Variants in STAG1 observed in about 807,000 individuals in gnomAD.
The protein encoded by STAG1 is STAG1 cohesin complex component.
A neutral mutation model predicts 170.9 loss-of-function variants in STAG1; 26 were observed. The ratio of observed to expected loss-of-function variants is 0.15; its 90% confidence interval spans 0.11 to 0.21. The LOEUF (loss-of-function observed/expected upper bound fraction) is 0.21. STAG1 is among the 10% of genes least tolerant of loss of function. STAG1 has a pLI of 1.00. For missense variants in STAG1, 964 were observed against 1,509.5 expected (o/e 0.64, Z 5.99); for synonymous variants, 514 against 497.7 (o/e 1.03, Z -0.44).
intron 9 of STAG1, among the ~76,000 whole-genome samples, chr3:136,481,734 A>AT (rs2089910223): frequency 9.6e-6 from 1 of 103,914 alleles, no homozygotes; most frequent in African/African-American, 3.6e-5. Flanking sequence ...TTGGTAAACT[A>AT]TTGATTATTG....
intron 12 of STAG1, among the ~76,000 whole-genome samples, chr3:136,466,265 G>C (rs2089456401): frequency 6.6e-6 from 1 of 152,154 alleles, no homozygotes; most frequent in Non-Finnish European, 1.5e-5. Flanking sequence ...AAAAAGACTA[G>C]ATGAATGGCT....
At chr3:136,723,672 C>T (rs1488144404) in intron 1 of STAG1, among the ~76,000 whole-genome samples, 29 of 146,324 alleles carry the variant, frequency 2.0e-4, no homozygotes, top group Non-Finnish European at 2.6e-4. Flanking sequence ...GTCAGCCCCC[C>T]GCCCGGCCAG....
At chr3:136,355,725 A>G (rs537575921) in intron 28 of STAG1, among the ~76,000 whole-genome samples, 3 of 152,346 alleles carry the variant, frequency 2.0e-5, no homozygotes, top group South Asian at 4.1e-4. Flanking sequence ...AAATAATACA[A>G]TGCATGATCT....
chr3:136,737,143 T>C (rs2107946464), intron 1 of STAG1: 1 of 792,250 alleles, frequency 1.3e-6, no homozygotes, highest in East Asian at 2.5e-5. Context: ...ACCAAGTCTC[T>C]CTTCTCTATT....
intron 23 of STAG1, among the ~76,000 whole-genome samples, chr3:136,370,708 G>A (rs1011584370): frequency 1.3e-5 from 2 of 152,202 alleles, no homozygotes; most frequent in South Asian, 2.1e-4. Flanking sequence ...TTTTATGGCT[G>A]CATAGTATTC....
chr3:136,423,368 C>T (rs1016715274), intron 16 of STAG1, among the ~76,000 whole-genome samples: 2 of 152,170 alleles, frequency 1.3e-5, no homozygotes, highest in African/African-American at 4.8e-5. Flanking sequence ...AGTGTGTTAA[C>T]AGTGATCTTC....
At chr3:136,690,056 C>CAAAAAAAAAAAAAAAAAAAAAAGA (rs1942669339) in intron 1 of STAG1, among the ~76,000 whole-genome samples, 1 of 56,406 alleles carries the variant, frequency 1.8e-5, no homozygotes, top group African/African-American at 7.7e-5. Flanking sequence ...AAAAGCAAAC[C>CAAAAAAAAAAAAAAAAAAAAAAGA]AAAAAAAAAA....
rs17199978 is a variant in STAG1 at position 136,337,342 on chromosome 3, A to G, written c.*912T>C. On this transcript the variant is annotated 3_prime_UTR_variant, in exon 34 of 34. Coordinates refer to ENST00000383202, the MANE Select transcript of STAG1 (RefSeq NM_005862.3). ...GAAAATGGAAGTCTGTGTAACTTGA[A>G]TTTGGCAGGGCATGAAATAAGTGGT... 11,992 of 152,600 alleles carry G rather than the reference A, an allele frequency of 0.079. 494 individuals are homozygous for G. Among genetic ancestry groups the G allele is most frequent in the Non-Finnish European group, 0.095 (6,433 of 68,016 alleles). The allele number at this position is 152,600 out of a possible 1,614,324, so 9.5% of individuals were successfully genotyped here. A position where few individuals can be genotyped will look rare whatever the true frequency, so the allele number is the denominator to read the frequency against.
chr3:136,470,021 C>T lies in STAG1; in HGVS notation c.1205+2392G>A, dbSNP rs535087093. ...AAAGACTTCAATGTTAGACCTAAAA[C>T]CATAAAAACCCTAGAAGAAAACTTA... On this transcript the variant is annotated intron_variant, in intron 12 of 33. Coordinates refer to ENST00000383202, the MANE Select transcript of STAG1 (RefSeq NM_005862.3). Among the ~76,000 whole-genome samples, 1,303 of 152,254 alleles carry T rather than the reference C, an allele frequency of 8.6e-3. 19 individuals carry two copies. Among genetic ancestry groups the T allele is most frequent in the Middle Eastern group, 0.054 (16 of 294 alleles).
chr3:136,697,588 A>G (rs573143168), intron 1 of STAG1, among the ~76,000 whole-genome samples: 3 of 152,324 alleles, frequency 2.0e-5, no homozygotes, highest in Non-Finnish European at 2.9e-5. Flanking sequence ...ACCAGACATC[A>G]TATTTTTAAC....
intron 21 of STAG1, among the ~76,000 whole-genome samples, chr3:136,412,421 A>C (rs2087649443): frequency 6.6e-6 from 1 of 152,214 alleles, no homozygotes; most frequent in African/African-American, 2.4e-5. Flanking sequence ...GAGTCTGATA[A>C]GAAACAGGAT....
At chr3:136,451,304 G>C (rs1004822185) in intron 14 of STAG1, among the ~76,000 whole-genome samples, 1 of 152,064 alleles carries the variant, frequency 6.6e-6, no homozygotes, top group Admixed American at 6.5e-5. Context: ...ATTGCTATGA[G>C]GCTCGTACAA....
chr3:136,348,125 A>G lies in STAG1; in HGVS notation c.3271+1033T>C, dbSNP rs571033439. ...ATGCTGAAAGATAAGAAGTTATAAA[A>G]AGAACAAGAGAGAAGGCTCAGATCA... On this transcript the variant is annotated intron_variant, in intron 29 of 33. Transcript: ENST00000383202. Among the ~76,000 whole-genome samples the G allele has an allele frequency of 3.9e-5, 6 of 152,310 alleles. No homozygotes were observed. In the South Asian group the frequency reaches 1.2e-3, roughly 32 times the overall value.
intron 5 of STAG1, among the ~76,000 whole-genome samples, chr3:136,553,086 G>C (rs937790364): frequency 1.1e-4 from 17 of 152,082 alleles, no homozygotes; most frequent in Non-Finnish European, 2.1e-4. Flanking sequence ...AACTTACCAT[G>C]TTAAAAAATA....
In STAG1 at chr3:136,365,192, A is replaced by G. The variant is rs568020678; in HGVS notation, c.2686-1725T>C. On this transcript the variant is annotated intron_variant, in intron 25 of 33. Coordinates refer to ENST00000383202, the MANE Select transcript of STAG1 (RefSeq NM_005862.3). ...GAAGTATTGTTAAAGGATTACCAGGAAAAACCAGAATTCAACATATTTCAT... is the reference window on the plus strand; with the variant it reads ...GAAGTATTGTTAAAGGATTACCAGGGAAAACCAGAATTCAACATATTTCAT... Among the ~76,000 whole-genome samples, 42 of 152,344 alleles carry G rather than the reference A, an allele frequency of 2.8e-4. No homozygotes were observed. The East Asian group carries it at 4.6e-3, about 17-fold the overall frequency.
chr3:136,419,220 TAA>T (rs1188582537), intron 20 of STAG1, among the ~76,000 whole-genome samples: 2 of 145,554 alleles, frequency 1.4e-5, no homozygotes, highest in African/African-American at 4.9e-5. Context: ...TTTAAAAAAA[TAA>T]AAGTTTGCTT....
chr3:136,371,525 T>C (rs1367984896), intron 23 of STAG1, among the ~76,000 whole-genome samples: 1 of 152,256 alleles, frequency 6.6e-6, no homozygotes, highest in East Asian at 1.9e-4. Context: ...CTTGAATTAA[T>C]ATTTGTATAA....
chr3:136,416,260 C>T (rs969339425), intron 21 of STAG1, among the ~76,000 whole-genome samples: 1 of 152,190 alleles, frequency 6.6e-6, no homozygotes, highest in African/African-American at 2.4e-5. Context: ...CCCACCTTGG[C>T]CTCCCAAAGT....
At chr3:136,704,367 T>C (rs192008713) in intron 1 of STAG1, among the ~76,000 whole-genome samples, 87 of 152,072 alleles carry the variant, frequency 5.7e-4, no homozygotes, top group Middle Eastern at 6.8e-3. Context: ...TTTTTAAAGA[T>C]GCAACTATAT....
Sources: allele counts gnomAD v4.1 joint callset (sites outside exome capture counted in the v4.1 genomes callset), GRCh38; gene constraint gnomAD v4.1.1; transcripts MANE v1.5; gene names NCBI Gene and HGNC (gene_info 2026-07-23, HGNC 2026-07-21).